TPCN2: variants seen among roughly 807,000 people sequenced by gnomAD.
TPCN2 encodes the protein two pore channel protein 2.
In TPCN2, 92 loss-of-function variants were observed where a neutral mutation model predicts 111.4. That is an observed-to-expected ratio of 0.83 (90% CI 0.70 to 0.98). TPCN2 has a LOEUF of 0.98. TPCN2 is among the 50% of genes least tolerant of loss of function. The probability of loss-of-function intolerance (pLI) is 0.00; values close to 1 mark genes in which losing one functional copy is unlikely to be tolerated. For missense variants in TPCN2, 995 were observed against 980.1 expected (o/e 1.02, Z -0.20); for synonymous variants, 405 against 414.5 (o/e 0.98, Z 0.28).
chr11:69,076,908 C>G (rs1219052085), intron 13 of TPCN2, among the ~76,000 whole-genome samples: 1 of 111,468 alleles, frequency 9.0e-6, no homozygotes, highest in Admixed American at 1.1e-4. Flanking sequence ...TGCCATGTCC[C>G]TCCACTTGCC....
intron 7 of TPCN2, among the ~76,000 whole-genome samples, chr11:69,066,202 CG>C (rs1855265469): frequency 6.6e-6 from 1 of 152,078 alleles, no homozygotes; most frequent in Non-Finnish European, 1.5e-5. Flanking sequence ...GAGGGTGGGA[CG>C]GGGGATGCCC....
At chr11:69,055,766 G>A (rs1854734525) in intron 4 of TPCN2, among the ~76,000 whole-genome samples, 1 of 152,112 alleles carries the variant, frequency 6.6e-6, no homozygotes, top group African/African-American at 2.4e-5. Flanking sequence ...GCCGTCAGGG[G>A]TTGCGCAGGC....
intron 19 of TPCN2, 121 bp downstream of exon 19, chr11:69,084,137 C>A: frequency 9.8e-7 from 1 of 1,020,884 alleles, no homozygotes; most frequent in Non-Finnish European, 1.5e-6. Flanking sequence ...TGGGTTCGGA[C>A]GGCAGCAGGT....
At chr11:69,066,088 GT>G (rs1161482285) in intron 7 of TPCN2, among the ~76,000 whole-genome samples, 1 of 152,162 alleles carries the variant, frequency 6.6e-6, no homozygotes, top group Non-Finnish European at 1.5e-5. Context: ...CTCAGCGTCT[GT>G]TAGGTGGTGT....
intron 12 of TPCN2, 103 bp downstream of exon 12, chr11:69,072,811 A>G (rs1282469977): frequency 1.3e-6 from 2 of 1,530,696 alleles, no homozygotes; most frequent in South Asian, 1.1e-5. Context: ...GGTCACCTGC[A>G]GCATTCACAG....
intron 1 of TPCN2, among the ~76,000 whole-genome samples, chr11:69,053,614 C>G (rs770457984): frequency 1.8e-4 from 28 of 152,030 alleles, no homozygotes; most frequent in Non-Finnish European, 3.8e-4. Flanking sequence ...TGTGCTCCTG[C>G]GTTGCACCTC....
chr11:69,087,134 C>T lies in TPCN2; in HGVS notation c.2108C>T (p.Pro703Leu), dbSNP rs1012371412. ...CAGAACTTCCTTCACAAGTGGGACCCCCGCAGCCACCTGCAGCCCCTTGCT... is the reference window on the plus strand; with the variant it reads ...CAGAACTTCCTTCACAAGTGGGACCTCCGCAGCCACCTGCAGCCCCTTGCT... ...ILENFLHKWD[P>L]RSHLQPLAGT... Residue 703 changes from proline to leucine, a missense_variant, in exon 24 of 25, where the codon CCC becomes CTC. Coordinates refer to ENST00000294309, the MANE Select transcript of TPCN2 (RefSeq NM_139075.4). 3.1e-6 allele frequency: 5 copies of T among 1,613,760 alleles called. No individual in the cohort carries two copies. The highest frequency in any genetic ancestry group is 1.7e-5 in the Admixed American group (1 of 60,000).
At chr11:69,073,252 TCTC>T (rs1236157283) in intron 13 of TPCN2, among the ~76,000 whole-genome samples, 5 of 152,254 alleles carry the variant, frequency 3.3e-5, no homozygotes, top group Non-Finnish European at 7.3e-5. Flanking sequence ...CAAATGGTCT[TCTC>T]GGTTTCCATG....
intron 2 of TPCN2, 38 bp from the exon 3 acceptor site, chr11:69,054,683 G>T (rs951376961): frequency 6.2e-7 from 1 of 1,601,236 alleles, no homozygotes; most frequent in Non-Finnish European, 8.6e-7. Context: ...CACCCTGCAT[G>T]CACCCATGTC....
rs372295535 is a variant in TPCN2 at position 69,083,376 on chromosome 11, G to A, written c.1690-569G>A. On this transcript the variant is annotated intron_variant, in intron 18 of 24. Coordinates refer to ENST00000294309, the MANE Select transcript of TPCN2 (RefSeq NM_139075.4). ...TGTCTAGTTTGGATTCCTCAGGTGG[G>A]TTGATGGGGCTGATGTGAAGGCCTT... is the stretch of plus-strand genomic sequence containing the variant. 2.9e-4 allele frequency: 46 copies of A among 157,584 alleles called. No individual in the cohort carries two copies. The South Asian group carries it at 8.6e-3, about 29-fold the overall frequency. 9.8% of individuals were successfully genotyped at this position (157,584 alleles called of 1,614,324 possible).
rs191509976 is a variant in TPCN2, at chr11:69,062,526, C to T, written c.547-358C>T. On this transcript the variant is annotated intron_variant, in intron 5 of 24. Coordinates refer to ENST00000294309, the MANE Select transcript of TPCN2 (RefSeq NM_139075.4). ...GAGAAGCCAGGTGTGCTGGGCAAGG[C>T]AGGAGGGTACCAAGGGAGGCATGGG... Among the ~76,000 whole-genome samples, 169 of 151,838 alleles carry T rather than the reference C, an allele frequency of 1.1e-3. 1 individual carries two copies. The highest frequency in any genetic ancestry group is 3.6e-3 in the African/African-American group (150 of 41,448).
Position 69,067,550 on chromosome 11 carries a change from G to C in TPCN2, c.774G>C (p.Leu258=), listed in dbSNP as rs1439263652. 1.2e-6 allele frequency: 2 copies of C among 1,613,896 alleles called. No homozygotes were observed. Among genetic ancestry groups the C allele is most frequent in the Non-Finnish European group, 8.5e-7 (1 of 1,180,024 alleles). Residue 258 remains leucine, a synonymous_variant, in exon 8 of 25, where the codon CTG becomes CTC. Transcript: ENST00000294309. ...AGAGGCTGACCTACTTCCAGAACCT[G>C]CCTGAGTCTCTGACTTCCCTCCTGG... ...DRERLTYFQN[L]PESLTSLLVL...
rs140892773 is a variant in TPCN2 at position 69,083,709 on chromosome 11, G to A, written c.1690-236G>A. 4.7e-3 allele frequency among the ~76,000 whole-genome samples: 723 copies of A among 152,268 alleles called. 4 individuals carry two copies. Among genetic ancestry groups the A allele is most frequent in the Non-Finnish European group, 6.7e-3 (459 of 68,020 alleles). On this transcript the variant is annotated intron_variant, in intron 18 of 24. Coordinates refer to ENST00000294309, the MANE Select transcript of TPCN2 (RefSeq NM_139075.4). ...TGCAAGCGTGTGCGAATGCGTGTGGGTAGATGTAGGTGTTGGGGTGCGAGG... is the reference window on the plus strand; with the variant it reads ...TGCAAGCGTGTGCGAATGCGTGTGGATAGATGTAGGTGTTGGGGTGCGAGG...
At chr11:69,069,915 TG>T (rs1855444367) in intron 8 of TPCN2, among the ~76,000 whole-genome samples, 1 of 152,126 alleles carries the variant, frequency 6.6e-6, no homozygotes, top group Admixed American at 6.5e-5. Context: ...TTCCCCGTCC[TG>T]GAGGGTGTGC....
chr11:69,065,640 G>T (rs1367986948), intron 7 of TPCN2, among the ~76,000 whole-genome samples: 1 of 152,174 alleles, frequency 6.6e-6, no homozygotes. Context: ...TGTGCTTCTG[G>T]GTGCAGCGGC....
At chr11:69,054,918 G>T in intron 3 of TPCN2, 121 bp downstream of exon 3, 1 of 1,023,460 alleles carries the variant, frequency 9.8e-7, no homozygotes, top group Non-Finnish European at 1.5e-6. Context: ...ACATAGATAG[G>T]GCGGTTACCA....
intron 4 of TPCN2, 103 bp from the exon 5 acceptor site, chr11:69,057,475 C>A: frequency 1.8e-6 from 2 of 1,116,676 alleles, no homozygotes; most frequent in Non-Finnish European, 1.4e-6. Context: ...TGGAGGCGCA[C>A]CCTGCTCTGG....
chr11:69,060,879 G>T (rs1854990681), intron 5 of TPCN2, among the ~76,000 whole-genome samples: 1 of 152,186 alleles, frequency 6.6e-6, no homozygotes, highest in African/African-American at 2.4e-5. Context: ...GGTGAGCTGG[G>T]CGCACAGGGC....
At chr11:69,071,088 C>T (rs1855512943) in intron 9 of TPCN2, among the ~76,000 whole-genome samples, 1 of 141,382 alleles carries the variant, frequency 7.1e-6, no homozygotes, top group Non-Finnish European at 1.6e-5. Flanking sequence ...CCCCATGCCA[C>T]GGCTTCACCC....
Sources: allele counts gnomAD v4.1 joint callset (sites outside exome capture counted in the v4.1 genomes callset), GRCh38; gene constraint gnomAD v4.1.1; transcripts MANE v1.5; gene names NCBI Gene and HGNC (gene_info 2026-07-23, HGNC 2026-07-21).